The following SERF2 variants were observed in gnomAD, a reference collection of about 807,000 sequenced individuals.
SERF2 encodes small EDRK-rich factor 2, also known as gastric cancer-related protein VRG107.
Under a neutral mutation model 10.7 loss-of-function variants are expected in SERF2, and 4 were observed. The ratio of observed to expected loss-of-function variants is 0.37; its 90% confidence interval spans 0.18 to 0.86. The LOEUF is 0.86. SERF2 is among the 40% of genes least tolerant of loss of function. The pLI is 0.43. For synonymous variants in SERF2, 26 were observed against 26.0 expected (o/e 1.00, Z 0.01); for missense variants, 47 against 79.1 (o/e 0.59, Z 1.54).
In SERF2 at chr15:43,795,523, G is replaced by A. The variant is rs376001419; in HGVS notation, c.*1750G>A. ...AGGGGTTTCTTGGTCAGCTGGCCTC[G>A]CAGCCCCACCCCTTTGCCCTGGAGA... On this transcript the variant is annotated 3_prime_UTR_variant, in exon 3 of 3. Transcript: ENST00000249786. 33 of 1,614,136 alleles carry A rather than the reference G, an allele frequency of 2.0e-5. No homozygotes were observed. Among genetic ancestry groups the A allele is most frequent in the East Asian group, 2.0e-4 (9 of 44,882 alleles).
chr15:43,779,272 T>C (rs936469179), intron 1 of SERF2, among the ~76,000 whole-genome samples: 1 of 152,056 alleles, frequency 6.6e-6, no homozygotes, highest in Admixed American at 6.6e-5. Context: ...AGGAAGCAAC[T>C]GAGAGAGAGA....
chr15:43,788,362 G>A (rs1313195952), upstream of SERF2, among the ~76,000 whole-genome samples: 4 of 151,938 alleles, frequency 2.6e-5, no homozygotes, highest in African/African-American at 7.3e-5. Context: ...TCCTGACCTC[G>A]TGATCGGCCC....
chr15:43,795,179 T>C lies in SERF2; in HGVS notation c.*1406T>C. On this transcript the variant is annotated 3_prime_UTR_variant, in exon 3 of 3. Transcript: ENST00000249786. ...ACCCAGAAGGTGGCCCAGCTACCCTTGATGAAGGTCTTTTCCAGTTCTGCT... is the reference window on the plus strand; with the variant it reads ...ACCCAGAAGGTGGCCCAGCTACCCTCGATGAAGGTCTTTTCCAGTTCTGCT... The C allele has an allele frequency of 6.2e-7, 1 of 1,614,054 alleles. No homozygotes were observed. The highest frequency in any genetic ancestry group is 8.5e-7 in the Non-Finnish European group (1 of 1,180,004).
chr15:43,780,538 T>C lies in SERF2; in HGVS notation c.-527+3036T>C, dbSNP rs369894163. Among the ~76,000 whole-genome samples, 42 of 152,258 alleles carry C rather than the reference T, an allele frequency of 2.8e-4. No homozygotes were observed. In the East Asian group the frequency reaches 5.8e-3, roughly 21 times the overall value. On this transcript the variant is annotated intron_variant, in intron 1 of 4. Transcript: ENST00000381359. Reference sequence around the variant, plus strand: ...TCCAAAGCTCTTTATCTTGGAAAACTGAAACTCTATATCCATTTAACAATT... The same window carrying C: ...TCCAAAGCTCTTTATCTTGGAAAACCGAAACTCTATATCCATTTAACAATT...
At position 43,796,045 on chromosome 15, in the gene SERF2, A is replaced by T. The variant is rs2087207880; in HGVS notation, c.*2272A>T. 3 of 810,782 alleles carry T rather than the reference A, an allele frequency of 3.7e-6. No individual in the cohort carries two copies. Among genetic ancestry groups the T allele is most frequent in the South Asian group, 3.0e-5 (2 of 65,732 alleles). The allele number at this position is 810,782 out of a possible 1,614,324, so 50.2% of individuals were successfully genotyped here. ...TAGCACATTGTGGGTACTCAATAAA[A>T]GGTAACAGCAGCTATAATCTGAGCA... On this transcript the variant is annotated 3_prime_UTR_variant, in exon 3 of 3. Transcript: ENST00000249786.
At chr15:43,786,654 A>G (rs2087009825) in intron 2 of SERF2, among the ~76,000 whole-genome samples, 1 of 152,208 alleles carries the variant, frequency 6.6e-6, no homozygotes, top group African/African-American at 2.4e-5. Context: ...ACAAAACAAT[A>G]TGGTAGTTCC....
Position 43,794,933 on chromosome 15 carries a change from T to A in SERF2, c.*1160T>A. On this transcript the variant is annotated 3_prime_UTR_variant, in exon 3 of 3. Coordinates refer to ENST00000249786, the MANE Select transcript of SERF2 (RefSeq NM_001018108.4). Reference sequence around the variant, plus strand: ...GTGTCCTTGAGGTATTGAGCTGGGCTGGACAGCTCCCCTTGAGCCAACTCT... The same window carrying A: ...GTGTCCTTGAGGTATTGAGCTGGGCAGGACAGCTCCCCTTGAGCCAACTCT... 1 of 1,279,592 alleles carries A rather than the reference T, an allele frequency of 7.8e-7. No homozygotes were observed. The highest frequency in any genetic ancestry group is 2.3e-5 in the East Asian group (1 of 43,244). 79.3% of individuals were successfully genotyped at this position (1,279,592 alleles called of 1,614,324 possible).
At chr15:43,777,410 G>C in exon 1 of SERF2, 2 of 258,826 alleles carry the variant, frequency 7.7e-6, no homozygotes, top group East Asian at 1.1e-4. Flanking sequence ...CGAGAGACCA[G>C]AGGATGGCTG....
At chr15:43,782,839 A>G (rs779157471) in intron 1 of SERF2, among the ~76,000 whole-genome samples, 1 of 151,592 alleles carries the variant, frequency 6.6e-6, no homozygotes, top group Non-Finnish European at 1.5e-5. Context: ...TTTTATTCTC[A>G]TAACTTTTTT....
At chr15:43,790,128 C>G (rs1422133571), upstream of SERF2, among the ~76,000 whole-genome samples, 1 of 136,872 alleles carries the variant, frequency 7.3e-6, no homozygotes, top group Non-Finnish European at 1.5e-5. Context: ...GGCGACAGAG[C>G]AAGACTCCAT....
At chr15:43,781,833 C>T (rs532692765) in intron 1 of SERF2, among the ~76,000 whole-genome samples, 73 of 151,154 alleles carry the variant, frequency 4.8e-4, no homozygotes, top group African/African-American at 1.5e-3. Flanking sequence ...CCACCTGCCT[C>T]GGCTTCTCCA....
chr15:43,792,905 T>G (rs1567167595), intron 1 of SERF2, 70 bp from the exon 2 acceptor site: 2 of 1,135,480 alleles, frequency 1.8e-6, no homozygotes, highest in Non-Finnish European at 2.6e-6. Flanking sequence ...CTGGCCGCGC[T>G]GGGGTAGAAG....
chr15:43,785,072 CTT>C (rs756768224), intron 1 of SERF2, among the ~76,000 whole-genome samples: 15 of 125,632 alleles, frequency 1.2e-4, no homozygotes, highest in East Asian at 2.4e-4. Flanking sequence ...TTATTTATTA[CTT>C]TTTTTTTTTT....
intron 2 of SERF2, 84 bp from the exon 3 acceptor site, chr15:43,793,626 T>C: frequency 6.2e-7 from 1 of 1,612,106 alleles, no homozygotes; most frequent in Non-Finnish European, 8.5e-7. Flanking sequence ...CACTTCCATC[T>C]TATCCTTTGT....
At chr15:43,783,148 C>T (rs1425412556) in intron 1 of SERF2, among the ~76,000 whole-genome samples, 1 of 152,008 alleles carries the variant, frequency 6.6e-6, no homozygotes. Context: ...GCTGGGATTA[C>T]AGGCATACGC....
chr15:43,790,478 T>C (rs957792168), upstream of SERF2, among the ~76,000 whole-genome samples: 5 of 152,026 alleles, frequency 3.3e-5, no homozygotes, highest in African/African-American at 9.7e-5. Context: ...ATATACCCAA[T>C]TGTGGCTGTG....
chr15:43,780,470 A>G (rs2086955881), intron 1 of SERF2, among the ~76,000 whole-genome samples: 1 of 152,158 alleles, frequency 6.6e-6, no homozygotes, highest in South Asian at 2.1e-4. Flanking sequence ...TGTATGGTTC[A>G]GTAGTGTTAA....
chr15:43,782,067 T>G (rs903433991), intron 1 of SERF2, among the ~76,000 whole-genome samples: 3 of 152,020 alleles, frequency 2.0e-5, no homozygotes, highest in African/African-American at 7.3e-5. Context: ...TTTTGTATTT[T>G]TAGTAGAGAT....
At chr15:43,780,788 T>C (rs1233947115) in intron 1 of SERF2, among the ~76,000 whole-genome samples, 2 of 152,188 alleles carry the variant, frequency 1.3e-5, no homozygotes, top group African/African-American at 4.8e-5. Flanking sequence ...TAATGCCTTT[T>C]CTGTCTTAAT....
Sources: gnomAD v4.1 joint callset for allele counts (sites outside exome capture counted in the v4.1 genomes callset) on GRCh38, gnomAD v4.1.1 for gene constraint, MANE v1.5 for transcripts, NCBI Gene and HGNC (gene_info 2026-07-23, HGNC 2026-07-21) for gene names.